Variants in PMS1 observed in about 807,000 individuals in gnomAD.
PMS1 encodes the protein PMS1 homolog 1, mismatch repair system component.
A neutral mutation model predicts 93.1 loss-of-function variants in PMS1; 79 were observed. That is an observed-to-expected ratio of 0.85 (90% confidence interval 0.71 to 1.02). The LOEUF (loss-of-function observed/expected upper bound fraction) is 1.02, where lower values mean the gene tolerates loss of function less well. PMS1 is among the 50% of genes least tolerant of loss of function. The pLI is 0.00. For synonymous variants in PMS1, 335 were observed against 363.4 expected, an observed-to-expected ratio of 0.92 and a Z score of 0.89; for missense variants, 1,064 against 1,085.3, an observed-to-expected ratio of 0.98 and a Z score of 0.28.
chr2:189,846,283 G>T (rs888373377), intron 6 of PMS1, among the ~76,000 whole-genome samples: 1 of 152,066 alleles, frequency 6.6e-6, no homozygotes, highest in East Asian at 1.9e-4. Flanking sequence ...AAGCCAAGGC[G>T]GGTGGATCAT....
chr2:189,843,073 A>G (rs1435188473), intron 5 of PMS1, among the ~76,000 whole-genome samples: 1 of 150,840 alleles, frequency 6.6e-6, no homozygotes, highest in African/African-American at 2.5e-5. Context: ...GCTGGAGTGC[A>G]GTGGCGTGTT....
intron 5 of PMS1, among the ~76,000 whole-genome samples, chr2:189,828,214 G>C (rs901677278): frequency 1.3e-5 from 2 of 152,190 alleles, no homozygotes; most frequent in Non-Finnish European, 2.9e-5. Flanking sequence ...GTGAGCCACT[G>C]CGCCCGGCCC....
At chr2:189,798,756 G>GTTTTTTTTTTTTTTTTTT (rs2049587934) in intron 3 of PMS1, among the ~76,000 whole-genome samples, 1 of 125,236 alleles carries the variant, frequency 8.0e-6, no homozygotes, top group Non-Finnish European at 1.7e-5. Flanking sequence ...ATAAGTATTT[G>GTTTTTTTTTTTTTTTTTT]ATTTTTTTTT....
In PMS1 at chr2:189,835,488, A is replaced by G. The variant is rs929362152; in HGVS notation, c.583-8476A>G. On this transcript the variant is annotated intron_variant, in intron 5 of 12. Transcript: ENST00000441310. ...TGTTCCTGTGTTGCCAATGTGGGAA[A>G]TAAAACAACCTTTTAAATATTGTGT... Among the ~76,000 whole-genome samples, 7 of 152,224 alleles carry G rather than the reference A, an allele frequency of 4.6e-5. No individual in the cohort carries two copies. The South Asian group carries it at 1.4e-3, about 31-fold the overall frequency.
chr2:189,798,756 G>GTTTTT (rs2049587934), intron 3 of PMS1, among the ~76,000 whole-genome samples: 3 of 125,236 alleles, frequency 2.4e-5, no homozygotes, highest in African/African-American at 6.2e-5. Flanking sequence ...ATAAGTATTT[G>GTTTTT]ATTTTTTTTT....
chr2:189,875,233 G>A (rs1221080722), intron 12 of PMS1, among the ~76,000 whole-genome samples: 1 of 149,964 alleles, frequency 6.7e-6, no homozygotes, highest in Non-Finnish European at 1.5e-5. Context: ...GCTACTAGAT[G>A]ACATTGGTAA....
At chr2:189,803,054 C>T (rs2050032519) in intron 3 of PMS1, among the ~76,000 whole-genome samples, 1 of 152,108 alleles carries the variant, frequency 6.6e-6, no homozygotes, top group Non-Finnish European at 1.5e-5. Flanking sequence ...TACTCACATG[C>T]AGAAAAGAAA....
chr2:189,875,585 T>C (rs2057492279), intron 12 of PMS1, among the ~76,000 whole-genome samples: 1 of 152,030 alleles, frequency 6.6e-6, no homozygotes, highest in Admixed American at 6.6e-5. Flanking sequence ...AGTCGTATGA[T>C]AGTGAATAGT....
At chr2:189,836,276 C>T (rs2053377443) in intron 5 of PMS1, among the ~76,000 whole-genome samples, 1 of 152,144 alleles carries the variant, frequency 6.6e-6, no homozygotes, top group Non-Finnish European at 1.5e-5. Context: ...AACTTCAAAC[C>T]TAAGATGGTG....
At position 189,854,905 on chromosome 2, in the gene PMS1, T is replaced by G. The variant is rs2055153286; in HGVS notation, c.1633T>G (p.Ser545Ala). The G allele has an allele frequency of 6.2e-7, 1 of 1,604,482 alleles. No individual in the cohort carries two copies. Among genetic ancestry groups the G allele is most frequent in the Non-Finnish European group, 8.5e-7 (1 of 1,172,364 alleles). The change falls in exon 9 of 13, where the codon TCA becomes GCA. Residue 545 changes from serine to alanine, a missense_variant. Coordinates refer to ENST00000441310, the MANE Select transcript of PMS1 (RefSeq NM_000534.5). ...TGAACAAATGAATCTTAATGAAGAT[T>G]CATGTAACAAAAAATCAAATGTAAT... is the stretch of plus-strand genomic sequence containing the variant. ...IPEQMNLNEDSCNKKSNVIDN... is the reference protein window; with the variant it reads ...IPEQMNLNEDACNKKSNVIDN...
intron 4 of PMS1, among the ~76,000 whole-genome samples, chr2:189,815,485 G>A (rs73054339): frequency 0.047 from 7,147 of 152,214 alleles, 269 homozygotes; most frequent in African/African-American, 0.099. Context: ...GAGTTCTCAC[G>A]AGATCCAATG....
intron 6 of PMS1, 36 bp downstream of exon 6, chr2:189,844,116 T>G (rs1469268371): frequency 6.2e-7 from 1 of 1,611,310 alleles, no homozygotes; most frequent in Non-Finnish European, 8.5e-7. Context: ...AATTCTGATT[T>G]ACTCATGAAG....
Position 189,877,331 on chromosome 2 carries a change from A to C in PMS1, c.2694A>C (p.Gln898His). Residue 898 changes from glutamine to histidine, a missense_variant, in exon 13 of 13, where the codon CAA (glutamine) becomes CAC (histidine). By Grantham distance (24) the Gln-to-His change is conservative (BLOSUM62 0). Transcript: ENST00000441310. ...LPMYLSKEDI[Q>H]DIIYRMKHQF... is the part of the protein sequence containing the mutation. ...TGTACTTATCAAAAGAGGACATCCAAGACATTATCTACAGAATGAAGCACC... is the reference window on the plus strand; with the variant it reads ...TGTACTTATCAAAAGAGGACATCCACGACATTATCTACAGAATGAAGCACC... 6.2e-7 allele frequency: 1 copy of C among 1,613,350 alleles called. No homozygotes were observed. Among genetic ancestry groups the C allele is most frequent in the Non-Finnish European group, 8.5e-7 (1 of 1,179,244 alleles).
At chr2:189,872,505 A>G in intron 11 of PMS1, among the ~76,000 whole-genome samples, 1 of 152,230 alleles carries the variant, frequency 6.6e-6, no homozygotes, top group East Asian at 1.9e-4. Context: ...CAGCCAAAGA[A>G]GACACATCTT....
chr2:189,797,966 G>A (rs565970542), intron 3 of PMS1, among the ~76,000 whole-genome samples: 64 of 152,252 alleles, frequency 4.2e-4, no homozygotes, highest in South Asian at 8.3e-4. Flanking sequence ...ATTGTAAATC[G>A]AAAATGCATT....
At chr2:189,844,426 G>A (rs891245852) in intron 6 of PMS1, among the ~76,000 whole-genome samples, 26 of 151,982 alleles carry the variant, frequency 1.7e-4, no homozygotes, top group Non-Finnish European at 3.2e-4. Context: ...GGCAGATGAC[G>A]TGAGGTCAGG....
intron 4 of PMS1, among the ~76,000 whole-genome samples, chr2:189,808,663 T>A (rs956928662): frequency 6.6e-6 from 1 of 152,148 alleles, no homozygotes; most frequent in Non-Finnish European, 1.5e-5. Context: ...TTAAAAATAG[T>A]TTACTAGAAA....
intron 2 of PMS1, among the ~76,000 whole-genome samples, chr2:189,794,545 GAT>G (rs1559214750): frequency 6.6e-6 from 1 of 152,294 alleles, no homozygotes; most frequent in African/African-American, 2.4e-5. Context: ...TTATTAAAAA[GAT>G]GTGATTTTAT....
intron 5 of PMS1, among the ~76,000 whole-genome samples, chr2:189,837,178 C>A (rs199513735): frequency 7.6e-6 from 1 of 132,178 alleles, no homozygotes; most frequent in Non-Finnish European, 1.6e-5. Context: ...TTTTTTTTTT[C>A]TTTTTAGGGA....
Sources: allele counts gnomAD v4.1 joint callset (sites outside exome capture counted in the v4.1 genomes callset), GRCh38; gene constraint gnomAD v4.1.1; transcripts MANE v1.5; gene names NCBI Gene and HGNC (gene_info 2026-07-23, HGNC 2026-07-21).